The following GATA4 variants were observed in gnomAD, a reference collection of about 807,000 sequenced individuals.
GATA4 encodes the protein GATA binding protein 4, also known as transcription factor GATA-4.
In GATA4, 7 loss-of-function variants were observed where a neutral mutation model predicts 37.9. That is an observed-to-expected ratio of 0.18 (90% CI 0.11 to 0.35). The LOEUF is 0.35. GATA4 is among the 10% of genes least tolerant of loss of function. The pLI is 1.00. For synonymous variants in GATA4, 372 were observed against 292.6 expected, an observed-to-expected ratio of 1.27 and a Z score of -2.77; for missense variants, 647 against 653.0, an observed-to-expected ratio of 0.99 and a Z score of 0.10.
intron 1 of GATA4, among the ~76,000 whole-genome samples, chr8:11,695,232 C>G (rs1477499764): frequency 3.9e-5 from 6 of 152,026 alleles, no homozygotes; most frequent in African/African-American, 2.4e-5. Context: ...ATGGAGAAAC[C>G]CCGTCTCTAT....
At chr8:11,724,951 T>G (rs1208968308) in intron 2 of GATA4, among the ~76,000 whole-genome samples, 1 of 152,242 alleles carries the variant, frequency 6.6e-6, no homozygotes, top group Admixed American at 6.5e-5. Context: ...GAGCTGTATG[T>G]GTAAGACGCC....
intron 2 of GATA4, among the ~76,000 whole-genome samples, chr8:11,712,773 A>C (rs1290744321): frequency 6.6e-6 from 1 of 151,642 alleles, no homozygotes; most frequent in Non-Finnish European, 1.5e-5. Flanking sequence ...AGGTGGGAGG[A>C]TCGCTTGAGT....
chr8:11,756,944 G>A lies in GATA4; in HGVS notation c.1010G>A (p.Gly337Asp), dbSNP rs1246692800. The A allele has an allele frequency of 1.2e-6, 2 of 1,614,092 alleles. No homozygotes were observed. Among genetic ancestry groups the A allele is most frequent in the Non-Finnish European group, 1.7e-6 (2 of 1,180,058 alleles). ...CTCTGCTTCATTCCAGCTCCTTCAG[G>A]CAGTGAGAGCCTTCCTCCCGCCAGC... ...NKSKTPAAPS[G>D]SESLPPASGA... Residue 337 changes from glycine (G) to aspartate (D), a missense_variant, in exon 6 of 7, where the codon GGC (glycine) becomes GAC (aspartate). Physicochemically the swap from Gly to Asp is moderately conservative, Grantham distance 94. Transcript: ENST00000532059.
intron 4 of GATA4, among the ~76,000 whole-genome samples, chr8:11,752,522 G>A (rs1397593916): frequency 2.0e-5 from 3 of 152,232 alleles, no homozygotes; most frequent in Non-Finnish European, 2.9e-5. Flanking sequence ...GGGAGAAACC[G>A]CCCCTGTGAC....
rs1300421881 is a variant in GATA4, at chr8:11,759,035, C to G, written c.*560C>G. 5.7e-6 allele frequency: 1 copy of G among 175,696 alleles called. No homozygotes were observed. Among genetic ancestry groups the G allele is most frequent in the Non-Finnish European group, 1.2e-5 (1 of 81,302 alleles). The allele number at this position is 175,696 out of a possible 1,614,324, so 10.9% of individuals were successfully genotyped here. On this transcript the variant is annotated 3_prime_UTR_variant, in exon 7 of 7. Coordinates refer to ENST00000532059, the MANE Select transcript of GATA4 (RefSeq NM_001308093.3). Reference sequence around the variant, plus strand: ...AAGTGACTGAACACTTCCTGGGGAGCTACAGGGGCACTTAACCCACCACAG... The same window carrying G: ...AAGTGACTGAACACTTCCTGGGGAGGTACAGGGGCACTTAACCCACCACAG...
At chr8:11,729,689 T>C (rs935054949) in intron 2 of GATA4, among the ~76,000 whole-genome samples, 2 of 152,208 alleles carry the variant, frequency 1.3e-5, no homozygotes, top group Admixed American at 1.3e-4. Flanking sequence ...AAGTGAATCA[T>C]TCCAGCTTGA....
intron 1 of GATA4, among the ~76,000 whole-genome samples, chr8:11,684,477 A>G (rs1024682268): frequency 1.8e-4 from 27 of 152,248 alleles, no homozygotes; most frequent in South Asian, 2.1e-4. Flanking sequence ...CCATAAACTC[A>G]TTACAAAGAA....
chr8:11,708,986 C>T lies in GATA4; in HGVS notation c.616+58C>T. 2 of 1,481,990 alleles carry T rather than the reference C, an allele frequency of 1.3e-6. No individual in the cohort carries two copies. The highest frequency in any genetic ancestry group is 1.4e-5 in the African/African-American group (1 of 69,896). 91.8% of individuals were successfully genotyped at this position (1,481,990 alleles called of 1,614,324 possible). ...GGGCCGGGGCAGGGGCCGTCTTGAG[C>T]CCTGTCGAGGGCCTCTTGTTTTTCC... On this transcript the variant is annotated intron_variant, in intron 2 of 6. Coordinates refer to ENST00000532059, the MANE Select transcript of GATA4 (RefSeq NM_001308093.3). The surrounding 1 kb of genome is among the most constrained non-coding windows in gnomAD (Gnocchi z 6.7).
At chr8:11,699,242 A>G (rs1344150311), upstream of GATA4, among the ~76,000 whole-genome samples, 1 of 152,220 alleles carries the variant, frequency 6.6e-6, no homozygotes, top group African/African-American at 2.4e-5. Flanking sequence ...GGACAAGTGA[A>G]TAAAGCACAA....
chr8:11,692,593 C>G (rs376094171), upstream of GATA4: 1 of 985,240 alleles, frequency 1.0e-6, no homozygotes, highest in Admixed American at 6.1e-5. Context: ...GGCGTGGCCC[C>G]CGCGCTGGGG....
chr8:11,744,104 A>G (rs1270880816), intron 2 of GATA4, among the ~76,000 whole-genome samples: 2 of 152,182 alleles, frequency 1.3e-5, no homozygotes, highest in Non-Finnish European at 2.9e-5. Flanking sequence ...CGCTGAGAGC[A>G]CAGACAATTC....
intron 1 of GATA4, chr8:11,697,941 T>C: frequency 1.0e-6 from 1 of 985,388 alleles, no homozygotes; most frequent in Non-Finnish European, 1.2e-6. Context: ...CGCGTTGAGG[T>C]CTTGGGCCTG....
At chr8:11,719,203 CCTT>C (rs1293871228) in intron 2 of GATA4, among the ~76,000 whole-genome samples, 20 of 150,030 alleles carry the variant, frequency 1.3e-4, no homozygotes, top group African/African-American at 4.7e-4. Context: ...GTGGGGGAGT[CCTT>C]TTTTTTTTTT....
At chr8:11,689,401 C>A (rs1339381192), upstream of GATA4, among the ~76,000 whole-genome samples, 1 of 152,162 alleles carries the variant, frequency 6.6e-6, no homozygotes, top group Non-Finnish European at 1.5e-5. Flanking sequence ...AGAACAGCAG[C>A]ATGCACCTGA....
chr8:11,699,447 T>C (rs1799599905), upstream of GATA4, among the ~76,000 whole-genome samples: 1 of 151,680 alleles, frequency 6.6e-6, no homozygotes, highest in African/African-American at 2.4e-5. Flanking sequence ...TCAAAGAACC[T>C]CCAGTCTGGG....
In GATA4 at chr8:11,758,932, A is replaced by G. The variant is rs1554499295; in HGVS notation, c.*457A>G. 19 of 271,310 alleles carry G rather than the reference A, an allele frequency of 7.0e-5. No individual in the cohort carries two copies. The South Asian group carries it at 7.6e-4, about 11-fold the overall frequency. 16.8% of individuals were successfully genotyped at this position (271,310 alleles called of 1,614,324 possible). On this transcript the variant is annotated 3_prime_UTR_variant, in exon 7 of 7. Coordinates refer to ENST00000532059, the MANE Select transcript of GATA4 (RefSeq NM_001308093.3). ...GCCCCTGGGGACAGGCCCTTGCCCC[A>G]TCCATCCGCTTGAGGCATGGCACCG...
chr8:11,694,145 G>A (rs745778786), intron 1 of GATA4, among the ~76,000 whole-genome samples: 5 of 152,152 alleles, frequency 3.3e-5, no homozygotes, highest in Admixed American at 1.3e-4. Flanking sequence ...TCTCCGGTTT[G>A]CGGGTAGAAA....
At chr8:11,747,408 G>A (rs1020132977) in intron 2 of GATA4, among the ~76,000 whole-genome samples, 5 of 152,192 alleles carry the variant, frequency 3.3e-5, no homozygotes, top group Admixed American at 6.5e-5. Context: ...TGAAGGGAGC[G>A]GCAGACCCCG....
At chr8:11,755,154 T>G in intron 5 of GATA4, 21 bp downstream of exon 5, 2 of 1,581,332 alleles carry the variant, frequency 1.3e-6, no homozygotes, top group Non-Finnish European at 1.7e-6. Context: ...GATCTGTGAG[T>G]GATTATATGA....
Sources: allele counts gnomAD v4.1 joint callset (sites outside exome capture counted in the v4.1 genomes callset), GRCh38; gene constraint gnomAD v4.1.1; non-coding constraint Gnocchi (gnomAD v3.1); transcripts MANE v1.5; gene names NCBI Gene and HGNC (gene_info 2026-07-23, HGNC 2026-07-21).